The following AUTS2 variants were observed in gnomAD, a reference collection of about 807,000 sequenced individuals.
AUTS2 encodes the protein activator of transcription and developmental regulator AUTS2, also known as autism susceptibility gene 2 protein.
AUTS2 carries 17 observed loss-of-function variants against 112.4 expected under a neutral mutation model. The ratio of observed to expected loss-of-function variants is 0.15; its 90% CI spans 0.10 to 0.23. AUTS2 has a LOEUF of 0.23. Among genes scored for constraint, AUTS2 ranks in the 10% least tolerant of loss-of-function variants. The pLI, the probability that AUTS2 is intolerant of heterozygous loss-of-function variation, is 1.00. For missense variants in AUTS2, 1,510 were observed against 1,701.6 expected (o/e 0.89, Z 1.98); for synonymous variants, 751 against 702.7 (o/e 1.07, Z -1.09).
At chr7:70,109,601 G>A (rs1351980945) in intron 2 of AUTS2, among the ~76,000 whole-genome samples, 1 of 152,148 alleles carries the variant, frequency 6.6e-6, no homozygotes, top group African/African-American at 2.4e-5. Flanking sequence ...GGAATCAATA[G>A]ACAGGAATGT....
chr7:70,245,170 A>ATATATATATATATATATATATAT (rs57817453), intron 4 of AUTS2, among the ~76,000 whole-genome samples: 1 of 133,878 alleles, frequency 7.5e-6, no homozygotes, highest in Non-Finnish European at 1.5e-5. Flanking sequence ...ATATATATAT[A>ATATATATATATATATATATATAT]AAAAATAAAA....
chr7:69,729,876 G>A (rs1454851418), intron 1 of AUTS2, among the ~76,000 whole-genome samples: 5 of 149,454 alleles, frequency 3.3e-5, no homozygotes, highest in African/African-American at 1.2e-4. Context: ...TTAAAAAGTT[G>A]TTCTTCCCCT....
At chr7:70,228,672 A>G (rs984331341) in intron 4 of AUTS2, among the ~76,000 whole-genome samples, 1 of 151,954 alleles carries the variant, frequency 6.6e-6, no homozygotes, top group Admixed American at 6.6e-5. Flanking sequence ...TGTCAGTTTA[A>G]TAATGACTTT....
chr7:70,494,584 G>A (rs573154941), intron 5 of AUTS2, among the ~76,000 whole-genome samples: 16 of 131,016 alleles, frequency 1.2e-4, no homozygotes, highest in South Asian at 2.8e-4. Flanking sequence ...CCTCCCCCCC[G>A]ACACTCAGAT....
chr7:69,643,393 G>A (rs1420186091), intron 1 of AUTS2: 1 of 153,224 alleles, frequency 6.5e-6, no homozygotes, highest in East Asian at 1.9e-4. Context: ...GCCGTCTGAA[G>A]CATCTGTCAG....
chr7:70,193,589 G>A (rs1355598643), intron 4 of AUTS2, among the ~76,000 whole-genome samples: 3 of 152,144 alleles, frequency 2.0e-5, no homozygotes. Context: ...TGATTTCAGC[G>A]CCTAAATGAA....
At chr7:70,071,536 G>T (rs1187351266) in intron 2 of AUTS2, among the ~76,000 whole-genome samples, 1 of 152,122 alleles carries the variant, frequency 6.6e-6, no homozygotes, top group Non-Finnish European at 1.5e-5. Context: ...ACAGTAGTGG[G>T]GAAAAAAATG....
At chr7:69,671,779 A>G (rs1410434094) in intron 1 of AUTS2, among the ~76,000 whole-genome samples, 3 of 151,894 alleles carry the variant, frequency 2.0e-5, no homozygotes, top group Non-Finnish European at 4.4e-5. Flanking sequence ...AGTTTTTAAG[A>G]TATTTTTGTC....
intron 2 of AUTS2, among the ~76,000 whole-genome samples, chr7:70,106,709 G>C (rs533477971): frequency 6.6e-6 from 1 of 152,238 alleles, no homozygotes; most frequent in Middle Eastern, 3.4e-3. Flanking sequence ...AATAAAGTAA[G>C]ACCCTGTCTT....
chr7:69,780,321 C>A (rs1314379488), intron 1 of AUTS2, among the ~76,000 whole-genome samples: 1 of 152,172 alleles, frequency 6.6e-6, no homozygotes, highest in Non-Finnish European at 1.5e-5. Flanking sequence ...GCCTTCGTTA[C>A]AATACATTTT....
chr7:70,184,905 C>T (rs572567506), intron 4 of AUTS2, among the ~76,000 whole-genome samples: 1 of 152,192 alleles, frequency 6.6e-6, no homozygotes, highest in South Asian at 2.1e-4. Flanking sequence ...TATATTTTGG[C>T]TTAATCTGTA....
intron 1 of AUTS2, among the ~76,000 whole-genome samples, chr7:69,846,331 A>G (rs969044481): frequency 1.3e-5 from 2 of 152,182 alleles, no homozygotes; most frequent in African/African-American, 4.8e-5. Context: ...TTGGGTTTGC[A>G]GTCATCCAGA....
chr7:70,675,097 C>A (rs1585485377), intron 5 of AUTS2, among the ~76,000 whole-genome samples: 1 of 70,216 alleles, frequency 1.4e-5, no homozygotes, highest in Non-Finnish European at 3.1e-5. Flanking sequence ...AATTAATCCT[C>A]CCCCCCCTCA....
intron 5 of AUTS2, among the ~76,000 whole-genome samples, chr7:70,646,580 G>A (rs1002355920): frequency 3.9e-5 from 6 of 152,228 alleles, no homozygotes; most frequent in Admixed American, 3.3e-4. Context: ...GGAGCCCACC[G>A]CCTCTGGCCC....
intron 5 of AUTS2, among the ~76,000 whole-genome samples, chr7:70,466,403 T>A (rs1336681073): frequency 6.6e-6 from 1 of 152,230 alleles, no homozygotes; most frequent in Non-Finnish European, 1.5e-5. Flanking sequence ...GCTAGTGATA[T>A]CTGTTATTCA....
intron 2 of AUTS2, among the ~76,000 whole-genome samples, chr7:69,989,615 A>G (rs550807348): frequency 3.3e-5 from 5 of 152,294 alleles, no homozygotes; most frequent in East Asian, 1.9e-4. Context: ...GTTTTTCTCT[A>G]TGTTGAGGCT....
chr7:70,506,621 G>A (rs1231094518), intron 5 of AUTS2, among the ~76,000 whole-genome samples: 6 of 152,140 alleles, frequency 3.9e-5, no homozygotes, highest in South Asian at 2.1e-4. Flanking sequence ...AAACAGACAC[G>A]TGCTCCGCGC....
chr7:70,260,306 C>T (rs1377623886), intron 4 of AUTS2, among the ~76,000 whole-genome samples: 1 of 151,984 alleles, frequency 6.6e-6, no homozygotes, highest in Non-Finnish European at 1.5e-5. Flanking sequence ...GTGGAGCTTG[C>T]AGTGAGCTGA....
intron 4 of AUTS2, among the ~76,000 whole-genome samples, chr7:70,413,688 G>GTTTT (rs763214003): frequency 6.6e-6 from 1 of 151,696 alleles, no homozygotes; most frequent in East Asian, 1.9e-4. Context: ...GTTTTGTTTT[G>GTTTT]TTTTTTTGAG....
Sources: allele counts gnomAD v4.1 joint callset (sites outside exome capture counted in the v4.1 genomes callset), GRCh38; gene constraint gnomAD v4.1.1; transcripts MANE v1.5; gene names NCBI Gene and HGNC (gene_info 2026-07-23, HGNC 2026-07-21).